The following ELP1 variants were observed in gnomAD, a reference collection of about 807,000 sequenced individuals.
ELP1 encodes elongator acetyltransferase complex subunit 1.
A neutral mutation model predicts 183.2 loss-of-function variants in ELP1; 131 were observed. The ratio of observed to expected loss-of-function variants is 0.72; its 90% CI spans 0.62 to 0.83. The LOEUF (loss-of-function observed/expected upper bound fraction) is 0.83, where lower values mean the gene tolerates loss of function less well. Among genes scored for constraint, ELP1 ranks in the 40% least tolerant of loss-of-function variants. The pLI is 0.00. For synonymous variants in ELP1, 555 were observed against 569.0 expected (o/e 0.98, Z 0.35); for missense variants, 1,550 against 1,594.9 (o/e 0.97, Z 0.48).
At chr9:108,884,494 T>C (rs1289003243) in intron 29 of ELP1, among the ~76,000 whole-genome samples, 1 of 152,052 alleles carries the variant, frequency 6.6e-6, no homozygotes, top group Non-Finnish European at 1.5e-5. Flanking sequence ...CAGACCATAT[T>C]ATAAATTAAA....
chr9:108,876,835 G>A (rs999280666), intron 35 of ELP1, among the ~76,000 whole-genome samples: 1 of 151,432 alleles, frequency 6.6e-6, no homozygotes, highest in Non-Finnish European at 1.5e-5. Flanking sequence ...AGGTTCAAGC[G>A]ATTCTCTTGC....
intron 29 of ELP1, among the ~76,000 whole-genome samples, chr9:108,883,719 T>C (rs1013194633): frequency 3.9e-5 from 6 of 152,160 alleles, no homozygotes; most frequent in Admixed American, 3.3e-4. Flanking sequence ...TCTGAAGATA[T>C]GGTCAGTTAA....
chr9:108,887,079 T>A (rs558012813), intron 29 of ELP1, among the ~76,000 whole-genome samples: 1 of 152,050 alleles, frequency 6.6e-6, no homozygotes, highest in East Asian at 1.9e-4. Context: ...CATGGTGGCA[T>A]GTTCCTGCAG....
intron 12 of ELP1, among the ~76,000 whole-genome samples, chr9:108,910,582 T>C (rs1455122439): frequency 1.3e-5 from 2 of 152,140 alleles, no homozygotes; most frequent in Non-Finnish European, 2.9e-5. Context: ...TCCATTCTTG[T>C]TCAAACAAAT....
intron 10 of ELP1, among the ~76,000 whole-genome samples, chr9:108,915,808 G>C (rs973741951): frequency 6.6e-6 from 1 of 150,926 alleles, no homozygotes; most frequent in Non-Finnish European, 1.5e-5. Flanking sequence ...TTCTATACCC[G>C]CAACCAAACG....
At chr9:108,925,817 T>C (rs1481098749) in intron 5 of ELP1, among the ~76,000 whole-genome samples, 1 of 152,210 alleles carries the variant, frequency 6.6e-6, no homozygotes, top group Admixed American at 6.5e-5. Flanking sequence ...CCAAAAGTGC[T>C]GGGATTACAG....
intron 32 of ELP1, 129 bp downstream of exon 32, chr9:108,879,923 C>T: frequency 2.7e-6 from 2 of 731,254 alleles, no homozygotes; most frequent in South Asian, 2.9e-5. Context: ...AGGGGCTCCA[C>T]AGAAGCCTCA....
chr9:108,931,204 A>C lies in ELP1; in HGVS notation c.-55-3T>G. On this transcript the variant is annotated splice_polypyrimidine_tract_variant and splice_region_variant and intron_variant, in intron 1 of 36. Coordinates refer to ENST00000374647, the MANE Select transcript of ELP1 (RefSeq NM_003640.5). ...ATCCCTTGATGAATCATTAATCTCT[A>C]AGAGAAAAATAAATAGCTTAATAGT... 6.6e-7 allele frequency: 1 copy of C among 1,504,924 alleles called. No homozygotes were observed. Among genetic ancestry groups the C allele is most frequent in the Non-Finnish European group, 9.3e-7 (1 of 1,080,954 alleles). 93.2% of individuals were successfully genotyped at this position (1,504,924 alleles called of 1,614,324 possible).
At position 108,886,904 on chromosome 9, in the gene ELP1, A is replaced by G. The variant is rs975920184; in HGVS notation, c.3222+2428T>C. On this transcript the variant is annotated intron_variant, in intron 29 of 36. Transcript: ENST00000374647. ...CAACTCTGCAATAGAGAGCATTAAA[A>G]AAAAAAAAAAAAGCAAATATCAGGC... Among the ~76,000 whole-genome samples the G allele has an allele frequency of 5.0e-3, 765 of 151,610 alleles. 2 individuals carry two copies. The highest frequency in any genetic ancestry group is 8.2e-3 in the Non-Finnish European group (556 of 67,834).
chr9:108,910,271 G>C (rs1392580143), intron 12 of ELP1, among the ~76,000 whole-genome samples: 2 of 152,170 alleles, frequency 1.3e-5, no homozygotes, highest in East Asian at 3.8e-4. Context: ...CATGTACACA[G>C]TGGGCTGCTG....
rs10816764 is a variant in ELP1, at chr9:108,896,683, T to G, written c.2588-39A>C. 94,727 of 1,604,838 alleles carry G rather than the reference T, an allele frequency of 0.059. 3,292 individuals carry two copies. The highest frequency in any genetic ancestry group is 0.11 in the African/African-American group (7,918 of 74,820). Reference sequence around the variant, plus strand: ...GAAAACAAAACAGAACACAATCATTTGGGGAAAAAATCCACAGACCTAACA... The same window carrying G: ...GAAAACAAAACAGAACACAATCATTGGGGGAAAAAATCCACAGACCTAACA... On this transcript the variant is annotated intron_variant, in intron 24 of 36. Coordinates refer to ENST00000374647, the MANE Select transcript of ELP1 (RefSeq NM_003640.5).
At chr9:108,906,707 A>G (rs1829035666) in intron 13 of ELP1, among the ~76,000 whole-genome samples, 1 of 152,204 alleles carries the variant, frequency 6.6e-6, no homozygotes. Context: ...CATACCCTGA[A>G]ATCTTTAAAT....
At position 108,868,595 on chromosome 9, in the gene ELP1, A is replaced by T; in HGVS notation, c.*520T>A. On this transcript the variant is annotated 3_prime_UTR_variant, in exon 37 of 37. Coordinates refer to ENST00000374647, the MANE Select transcript of ELP1 (RefSeq NM_003640.5). ...ATAACTGAAAGCACATGACCTGGTA[A>T]GATGTTACAAAATAATAGCTGTCAG... The T allele has an allele frequency of 2.2e-6, 1 of 450,666 alleles. No homozygotes were observed. The highest frequency in any genetic ancestry group is 3.9e-6 in the Non-Finnish European group (1 of 258,506). 27.9% of individuals were successfully genotyped at this position (450,666 alleles called of 1,614,324 possible). A position where few individuals can be genotyped will look rare whatever the true frequency, so the allele number is the denominator to read the frequency against.
chr9:108,918,144 T>G (rs1829515981), intron 8 of ELP1, among the ~76,000 whole-genome samples: 1 of 152,216 alleles, frequency 6.6e-6, no homozygotes, highest in Admixed American at 6.5e-5. Flanking sequence ...GGGTTTTAAT[T>G]CAAATACATT....
chr9:108,882,316 T>A (rs1827960883), intron 29 of ELP1, 129 bp from the exon 30 acceptor site: 4 of 711,172 alleles, frequency 5.6e-6, no homozygotes, highest in Non-Finnish European at 1.0e-5. Flanking sequence ...GTTCTCAACA[T>A]CATGCCTATC....
chr9:108,868,553 G>A lies in ELP1; in HGVS notation c.*562C>T, dbSNP rs1827318689. 1 of 433,810 alleles carries A rather than the reference G, an allele frequency of 2.3e-6. No homozygotes were observed. The allele number at this position is 433,810 out of a possible 1,614,324, so 26.9% of individuals were successfully genotyped here. A position where few individuals can be genotyped will look rare whatever the true frequency, so the allele number is the denominator to read the frequency against. On this transcript the variant is annotated 3_prime_UTR_variant, in exon 37 of 37. Transcript: ENST00000374647. ...AGTCCCTATAGACATTGTAATTATAGGAGGCTCAGCCCAGTTATAACTGAA... is the reference window on the plus strand; with the variant it reads ...AGTCCCTATAGACATTGTAATTATAAGAGGCTCAGCCCAGTTATAACTGAA...
Position 108,868,742 on chromosome 9 carries a change from C to A in ELP1, c.*373G>T. On this transcript the variant is annotated 3_prime_UTR_variant, in exon 37 of 37. Coordinates refer to ENST00000374647, the MANE Select transcript of ELP1 (RefSeq NM_003640.5). ...CACTAATAGCCATTGTAATCTTCTC[C>A]GCCAACAAAATAAGACAATTTAGAA... The A allele has an allele frequency of 1.8e-6, 1 of 549,710 alleles. No homozygotes were observed. The highest frequency in any genetic ancestry group is 3.2e-6 in the Non-Finnish European group (1 of 312,892). 34.1% of individuals were successfully genotyped at this position (549,710 alleles called of 1,614,324 possible). A position where few individuals can be genotyped will look rare whatever the true frequency, so the allele number is the denominator to read the frequency against.
intron 30 of ELP1, 71 bp downstream of exon 30, chr9:108,882,054 A>T (rs1366166128): frequency 7.9e-7 from 1 of 1,268,186 alleles, no homozygotes; most frequent in Admixed American, 1.7e-5. Context: ...AGAGATTCCA[A>T]CTGACCTGGA....
intron 12 of ELP1, among the ~76,000 whole-genome samples, chr9:108,908,756 AC>A (rs1439029180): frequency 1.3e-5 from 2 of 152,152 alleles, no homozygotes; most frequent in Non-Finnish European, 2.9e-5. Flanking sequence ...CAGTTTATTC[AC>A]TGCACAGCAG....
Sources: gnomAD v4.1 joint callset for allele counts (sites outside exome capture counted in the v4.1 genomes callset) on GRCh38, gnomAD v4.1.1 for gene constraint, MANE v1.5 for transcripts, NCBI Gene and HGNC (gene_info 2026-07-23, HGNC 2026-07-21) for gene names.